Variants in PPM1L observed in about 807,000 individuals in gnomAD.
The protein encoded by PPM1L is protein phosphatase, Mg2+/Mn2+ dependent 1L.
In PPM1L, 13 loss-of-function variants were observed where a neutral mutation model predicts 31.4. That is an observed-to-expected ratio of 0.41 (90% CI 0.27 to 0.66). The LOEUF (loss-of-function observed/expected upper bound fraction) is 0.66. Among genes scored for constraint, PPM1L ranks in the 30% least tolerant of loss-of-function variants. The pLI, the probability that PPM1L is intolerant of heterozygous loss-of-function variation, is 0.29. For missense variants in PPM1L, 326 were observed against 453.7 expected, an observed-to-expected ratio of 0.72 and a Z score of 2.56; for synonymous variants, 184 against 175.4, an observed-to-expected ratio of 1.05 and a Z score of -0.39.
chr3:160,904,001 C>T (rs1713658025), intron 1 of PPM1L, among the ~76,000 whole-genome samples: 2 of 151,870 alleles, frequency 1.3e-5, no homozygotes, highest in Non-Finnish European at 2.9e-5. Context: ...CCATTTTTGC[C>T]TTGAGTTGAA....
chr3:161,060,410 G>C (rs12494133), intron 2 of PPM1L, among the ~76,000 whole-genome samples: 39,429 of 152,044 alleles, frequency 0.26, 5,836 homozygotes, highest in African/African-American at 0.39. Flanking sequence ...GGTCATGCAG[G>C]ACTTGCCACC....
intron 1 of PPM1L, among the ~76,000 whole-genome samples, chr3:160,806,396 A>T (rs1184264597): frequency 6.6e-6 from 1 of 152,130 alleles, no homozygotes; most frequent in Non-Finnish European, 1.5e-5. Context: ...TGTACATCTC[A>T]GACATGTAAT....
intron 1 of PPM1L, among the ~76,000 whole-genome samples, chr3:160,812,957 C>T (rs1310704191): frequency 6.6e-6 from 1 of 152,150 alleles, no homozygotes; most frequent in Non-Finnish European, 1.5e-5. Flanking sequence ...CTTGTCCTTC[C>T]AGAACAGAAT....
chr3:160,959,847 T>A (rs1715895775), intron 1 of PPM1L, among the ~76,000 whole-genome samples: 1 of 151,802 alleles, frequency 6.6e-6, no homozygotes, highest in African/African-American at 2.4e-5. Flanking sequence ...AAAATAAAAA[T>A]AAAAAAATAA....
chr3:160,972,622 A>C (rs1156628987), intron 2 of PPM1L, among the ~76,000 whole-genome samples: 5 of 152,078 alleles, frequency 3.3e-5, no homozygotes, highest in Admixed American at 6.5e-5. Flanking sequence ...GGGTTGGTTC[A>C]AAGTCTTTGC....
rs1350265214 is a variant in PPM1L, at chr3:161,077,741, G to GTTACT, written c.*8589_*8593dup. The GTTACT allele has an allele frequency of 1.3e-5, 2 of 152,156 alleles. No individual in the cohort carries two copies. Among genetic ancestry groups the GTTACT allele is most frequent in the Non-Finnish European group, 2.9e-5 (2 of 68,026 alleles). The allele number at this position is 152,156 out of a possible 1,614,324, so 9.4% of individuals were successfully genotyped here. On this transcript the variant is annotated 3_prime_UTR_variant, in exon 4 of 4. Transcript: ENST00000498165. Reference sequence around the variant, plus strand: ...TTAAATCATAAATTTGGTATCCATAGTTACTTTACACATTCCAGAGTCTAA... The same window carrying GTTACT: ...TTAAATCATAAATTTGGTATCCATAGTTACTTTACTTTACACATTCCAGAGTCTAA...
At chr3:160,882,906 T>C (rs1383748220) in intron 1 of PPM1L, among the ~76,000 whole-genome samples, 1 of 152,250 alleles carries the variant, frequency 6.6e-6, no homozygotes, top group Non-Finnish European at 1.5e-5. Context: ...TTTTGGGTTT[T>C]AGTCTTCAAA....
At chr3:160,810,895 C>A (rs1055820122) in intron 1 of PPM1L, among the ~76,000 whole-genome samples, 5 of 152,220 alleles carry the variant, frequency 3.3e-5, no homozygotes, top group Non-Finnish European at 7.4e-5. Flanking sequence ...TATTCAAAAG[C>A]CTGTTTTACA....
At chr3:160,813,857 A>C (rs1045708788) in intron 1 of PPM1L, among the ~76,000 whole-genome samples, 1 of 152,174 alleles carries the variant, frequency 6.6e-6, no homozygotes, top group Non-Finnish European at 1.5e-5. Context: ...ATTTGATTCA[A>C]TGGAACATTC....
intron 1 of PPM1L, among the ~76,000 whole-genome samples, chr3:160,759,323 G>C (rs62272778): frequency 6.6e-6 from 1 of 152,110 alleles, no homozygotes; most frequent in Non-Finnish European, 1.5e-5. Context: ...ACTAGGGCCC[G>C]TCTGTAATTG....
Position 161,071,441 on chromosome 3 carries a change from T to A in PPM1L, c.*2284T>A, listed in dbSNP as rs1719916003. 1 of 152,234 alleles carries A rather than the reference T, an allele frequency of 6.6e-6. No homozygotes were observed. The highest frequency in any genetic ancestry group is 2.4e-5 in the African/African-American group (1 of 41,456). 9.4% of individuals were successfully genotyped at this position (152,234 alleles called of 1,614,324 possible). A position where few individuals can be genotyped will look rare whatever the true frequency, so the allele number is the denominator to read the frequency against. ...ATCAGTGGTTACGTGCCCTGCAGAA[T>A]TTCTTAACAGATGGTGCTGAGTGCA... On this transcript the variant is annotated 3_prime_UTR_variant, in exon 4 of 4. Coordinates refer to ENST00000498165, the MANE Select transcript of PPM1L (RefSeq NM_139245.4).
At chr3:160,948,258 C>T (rs1715471045) in intron 1 of PPM1L, among the ~76,000 whole-genome samples, 1 of 152,152 alleles carries the variant, frequency 6.6e-6, no homozygotes, top group Non-Finnish European at 1.5e-5. Context: ...TTTCTATTTA[C>T]ACAAGCAGGT....
chr3:160,800,710 G>C (rs1021630036), intron 1 of PPM1L, among the ~76,000 whole-genome samples: 1 of 152,060 alleles, frequency 6.6e-6, no homozygotes, highest in African/African-American at 2.4e-5. Flanking sequence ...TCTCAACTAA[G>C]ATGCTGTTTT....
chr3:160,887,334 C>T (rs1047818593), intron 1 of PPM1L, among the ~76,000 whole-genome samples: 1 of 152,008 alleles, frequency 6.6e-6, no homozygotes, highest in Non-Finnish European at 1.5e-5. Flanking sequence ...GACAGGCCAA[C>T]ATGCAAATTC....
intron 2 of PPM1L, among the ~76,000 whole-genome samples, chr3:161,009,587 C>T (rs1717823654): frequency 6.6e-6 from 1 of 152,176 alleles, no homozygotes; most frequent in African/African-American, 2.4e-5. Context: ...TCTGCAGCCT[C>T]TTAAAATGCA....
At chr3:160,948,442 C>T (rs564475429) in intron 1 of PPM1L, among the ~76,000 whole-genome samples, 9 of 152,320 alleles carry the variant, frequency 5.9e-5, no homozygotes, top group African/African-American at 2.2e-4. Context: ...TTCAAAGTCC[C>T]ACTTGCAGTC....
rs570722116 is a variant in PPM1L, at chr3:160,926,402, A to T, written c.400-35334A>T. On this transcript the variant is annotated intron_variant, in intron 1 of 3. Coordinates refer to ENST00000498165, the MANE Select transcript of PPM1L (RefSeq NM_139245.4). ...GACTGCTGTGTTGATATGAAAGCTG[A>T]TAAATAGTAAACCTGGAACCAGAAC... Among the ~76,000 whole-genome samples, 19 of 152,324 alleles carry T rather than the reference A, an allele frequency of 1.2e-4. 1 individual carries two copies. The highest frequency in any genetic ancestry group is 1.2e-3 in the Admixed American group (18 of 15,294).
chr3:160,882,734 G>T (rs577375613), intron 1 of PPM1L, among the ~76,000 whole-genome samples: 1 of 152,252 alleles, frequency 6.6e-6, no homozygotes, highest in South Asian at 2.1e-4. Flanking sequence ...CCCACTCACC[G>T]TTGTTCCCAG....
At chr3:160,875,442 C>A (rs1712473407) in intron 1 of PPM1L, among the ~76,000 whole-genome samples, 1 of 152,146 alleles carries the variant, frequency 6.6e-6, no homozygotes, top group Non-Finnish European at 1.5e-5. Flanking sequence ...TTGGTAGTCC[C>A]CTGTGCAAAT....
Sources: allele counts gnomAD v4.1 joint callset (sites outside exome capture counted in the v4.1 genomes callset), GRCh38; gene constraint gnomAD v4.1.1; transcripts MANE v1.5; gene names NCBI Gene and HGNC (gene_info 2026-07-23, HGNC 2026-07-21).